The following COL19A1 variants were observed in gnomAD, a reference collection of about 807,000 sequenced individuals.
COL19A1 encodes collagen alpha-1(XIX) chain.
COL19A1 carries 159 observed loss-of-function variants against 190.2 expected under a neutral mutation model. The observed-to-expected ratio is 0.84, with a 90% confidence interval of 0.73 to 0.95. The LOEUF (loss-of-function observed/expected upper bound fraction) is 0.95, where lower values mean the gene tolerates loss of function less well. Ranked by LOEUF, COL19A1 falls within the 40% of genes least tolerant of loss-of-function variation. The pLI, the probability that COL19A1 is intolerant of heterozygous loss-of-function variation, is 0.00. For missense variants in COL19A1, 1,418 were observed against 1,431.9 expected, an observed-to-expected ratio of 0.99 and a Z score of 0.16; for synonymous variants, 509 against 458.9, an observed-to-expected ratio of 1.11 and a Z score of -1.39.
intron 11 of COL19A1, among the ~76,000 whole-genome samples, chr6:69,963,377 AC>A (rs1264406527): frequency 1.3e-5 from 2 of 152,188 alleles, no homozygotes; most frequent in African/African-American, 2.4e-5. Context: ...GTATAAGAAA[AC>A]CATAGGGATT....
At chr6:69,892,593 A>G (rs774506640) in intron 2 of COL19A1, among the ~76,000 whole-genome samples, 3 of 152,210 alleles carry the variant, frequency 2.0e-5, no homozygotes, top group Non-Finnish European at 4.4e-5. Context: ...AAGGAATCTC[A>G]GATAAGATCT....
At chr6:70,017,125 G>A (rs958582546) in intron 11 of COL19A1, among the ~76,000 whole-genome samples, 1 of 152,042 alleles carries the variant, frequency 6.6e-6, no homozygotes, top group African/African-American at 2.4e-5. Context: ...ATAAAATATG[G>A]TGTACCCACA....
intron 49 of COL19A1, among the ~76,000 whole-genome samples, chr6:70,203,995 G>A (rs572487508): frequency 6.6e-6 from 1 of 152,030 alleles, no homozygotes; most frequent in African/African-American, 2.4e-5. Context: ...CAAGTAGCTG[G>A]GATTACAGGT....
chr6:69,888,251 A>C (rs1405010253), intron 2 of COL19A1, among the ~76,000 whole-genome samples: 1 of 152,204 alleles, frequency 6.6e-6, no homozygotes, highest in Admixed American at 6.5e-5. Flanking sequence ...GGGATAAGGC[A>C]GCTCAAAAAT....
In COL19A1 at chr6:69,921,911, A is replaced by C. The variant is rs1771989751; in HGVS notation, c.267-5998A>C. Among the ~76,000 whole-genome samples, 4 of 152,174 alleles carry C rather than the reference A, an allele frequency of 2.6e-5. No homozygotes were observed. In the South Asian group the frequency reaches 8.3e-4, roughly 32 times the overall value. The stretch of plus-strand genomic sequence containing the variant: ...CGATATTTTTCTTACTGGGAGTATC[A>C]CTGAATAAGCAATGGATAGGATTTC... On this transcript the variant is annotated intron_variant, in intron 4 of 50. Coordinates refer to ENST00000620364, the MANE Select transcript of COL19A1 (RefSeq NM_001858.6).
At chr6:70,110,892 T>C (rs891954140) in intron 16 of COL19A1, among the ~76,000 whole-genome samples, 4 of 152,168 alleles carry the variant, frequency 2.6e-5, no homozygotes, top group Non-Finnish European at 5.9e-5. Flanking sequence ...ACATGTGTTA[T>C]TTACAGCAAC....
intron 34 of COL19A1, among the ~76,000 whole-genome samples, chr6:70,157,477 A>C (rs538959225): frequency 6.6e-6 from 1 of 152,188 alleles, no homozygotes; most frequent in Non-Finnish European, 1.5e-5. Context: ...GCCATCTGGC[A>C]TATATTAACC....
At chr6:70,052,739 T>C (rs1028591708) in intron 14 of COL19A1, among the ~76,000 whole-genome samples, 2 of 152,144 alleles carry the variant, frequency 1.3e-5, no homozygotes, top group African/African-American at 4.8e-5. Context: ...CAGTAATGGA[T>C]TAAGATAAAG....
intron 34 of COL19A1, among the ~76,000 whole-genome samples, chr6:70,158,704 G>T (rs978472515): frequency 6.6e-5 from 10 of 151,986 alleles, no homozygotes; most frequent in African/African-American, 1.9e-4. Flanking sequence ...AATATCATCA[G>T]CCAGATATTA....
chr6:70,097,673 C>A (rs1044462485), intron 15 of COL19A1, among the ~76,000 whole-genome samples: 1 of 152,132 alleles, frequency 6.6e-6, no homozygotes, highest in Non-Finnish European at 1.5e-5. Context: ...TGTTGCCAAA[C>A]AGAAAACTGA....
At chr6:69,918,810 G>T (rs1771497438) in intron 4 of COL19A1, among the ~76,000 whole-genome samples, 1 of 152,190 alleles carries the variant, frequency 6.6e-6, no homozygotes, top group Non-Finnish European at 1.5e-5. Flanking sequence ...ATAATAACTT[G>T]CAGGGATTTG....
intron 2 of COL19A1, among the ~76,000 whole-genome samples, chr6:69,880,922 T>C (rs1251712791): frequency 1.3e-5 from 2 of 152,246 alleles, no homozygotes; most frequent in African/African-American, 4.8e-5. Context: ...TGCAATTTAA[T>C]CTGATATGAC....
At chr6:69,881,087 T>C (rs1415701556) in intron 2 of COL19A1, among the ~76,000 whole-genome samples, 4 of 152,194 alleles carry the variant, frequency 2.6e-5, no homozygotes, top group African/African-American at 7.2e-5. Flanking sequence ...AAGAATCACC[T>C]GACGTATTTG....
chr6:69,904,844 T>C (rs1013179272), intron 4 of COL19A1, among the ~76,000 whole-genome samples: 6 of 152,212 alleles, frequency 3.9e-5, no homozygotes, highest in African/African-American at 1.4e-4. Flanking sequence ...TGCACTTGGG[T>C]CCCTAGGCAC....
chr6:70,104,161 T>C (rs1471002108), intron 16 of COL19A1, among the ~76,000 whole-genome samples: 1 of 152,128 alleles, frequency 6.6e-6, no homozygotes. Flanking sequence ...TAAAAGCACA[T>C]TGGGGGAATG....
chr6:69,982,084 C>G (rs543120919), intron 11 of COL19A1, among the ~76,000 whole-genome samples: 5 of 151,780 alleles, frequency 3.3e-5, no homozygotes, highest in African/African-American at 1.2e-4. Flanking sequence ...ATGGTGGAAG[C>G]AGCAGCAATT....
intron 9 of COL19A1, among the ~76,000 whole-genome samples, chr6:69,957,072 G>A (rs1774466239): frequency 6.6e-6 from 1 of 151,790 alleles, no homozygotes; most frequent in Non-Finnish European, 1.5e-5. Flanking sequence ...CATTTATACT[G>A]GGTTTGCAAA....
At chr6:70,151,532 G>A in intron 31 of COL19A1, 94 bp downstream of exon 31, 1 of 1,205,776 alleles carries the variant, frequency 8.3e-7, no homozygotes, top group South Asian at 1.3e-5. Flanking sequence ...TGCTTAGCTG[G>A]AACTAAAATT....
chr6:70,192,440 TTTCA>T (rs1053001756), intron 48 of COL19A1, among the ~76,000 whole-genome samples: 11 of 152,110 alleles, frequency 7.2e-5, no homozygotes, highest in African/African-American at 2.6e-4. Flanking sequence ...AGGTCTTTTC[TTTCA>T]TTCTCTTTCA....
Sources: gnomAD v4.1 joint callset for allele counts (sites outside exome capture counted in the v4.1 genomes callset) on GRCh38, gnomAD v4.1.1 for gene constraint, MANE v1.5 for transcripts, NCBI Gene and HGNC (gene_info 2026-07-23, HGNC 2026-07-21) for gene names.